ENPP3: variants seen among roughly 807,000 people sequenced by gnomAD.
The protein encoded by ENPP3 is ectonucleotide pyrophosphatase/phosphodiesterase family member 3.
In ENPP3, 104 loss-of-function variants were observed where a neutral mutation model predicts 117.8. That is an observed-to-expected ratio of 0.88 (90% CI 0.75 to 1.04). The LOEUF (loss-of-function observed/expected upper bound fraction) is 1.04. Among genes scored for constraint, ENPP3 ranks in the 50% least tolerant of loss-of-function variants. ENPP3 has a pLI of 0.00. For synonymous variants in ENPP3, 380 were observed against 349.9 expected, an observed-to-expected ratio of 1.09 and a Z score of -0.96; for missense variants, 1,026 against 1,051.9, an observed-to-expected ratio of 0.98 and a Z score of 0.34.
At position 131,683,160 on chromosome 6, in the gene ENPP3, A is replaced by G. The variant is rs916188630; in HGVS notation, c.1118A>G (p.His373Arg). The G allele has an allele frequency of 1.9e-6, 3 of 1,538,966 alleles. No individual in the cohort carries two copies. Among genetic ancestry groups the G allele is most frequent in the South Asian group, 2.3e-5 (2 of 86,972 alleles). Reference protein sequence around the residue: ...NCVNIILLADHGMDQTYCNKM... With the variant: ...NCVNIILLADRGMDQTYCNKM... Reference sequence around the variant, plus strand: ...GTCAATATCATCCTTCTGGCTGACCATGGTATGCTTTTAAAAAACATTCTT... The same window carrying G: ...GTCAATATCATCCTTCTGGCTGACCGTGGTATGCTTTTAAAAAACATTCTT... The change falls in exon 12 of 25, where the codon CAT (histidine) becomes CGT (arginine). Residue 373 changes from histidine to arginine, a missense_variant and splice_region_variant. Transcript: ENST00000357639.
chr6:131,641,050 G>T (rs1778029327), intron 1 of ENPP3, among the ~76,000 whole-genome samples: 1 of 151,730 alleles, frequency 6.6e-6, no homozygotes. Context: ...TTAGAATGAG[G>T]CAGTTAAGGA....
intron 9 of ENPP3, among the ~76,000 whole-genome samples, chr6:131,675,683 A>T (rs1189746325): frequency 6.6e-6 from 1 of 151,842 alleles, no homozygotes; most frequent in Non-Finnish European, 1.5e-5. Flanking sequence ...AAAATACAAA[A>T]ATTAGCTGGG....
chr6:131,687,287 C>A (rs1195890116), intron 14 of ENPP3, among the ~76,000 whole-genome samples: 1 of 152,110 alleles, frequency 6.6e-6, no homozygotes, highest in Non-Finnish European at 1.5e-5. Flanking sequence ...ACATAATAAA[C>A]GGTGCTGGGA....
rs139818091 is a variant in ENPP3 at position 131,670,592 on chromosome 6, A to T, written c.563-656A>T. On this transcript the variant is annotated intron_variant, in intron 6 of 24. Transcript: ENST00000357639. ...TGCCGTCTCCATCTCCTGAGCTCAA[A>T]CAATCCTCCCACCTCAGCCTCCCGA... Among the ~76,000 whole-genome samples, 1,210 of 152,226 alleles carry T rather than the reference A, an allele frequency of 7.9e-3. 11 individuals carry two copies. Among genetic ancestry groups the T allele is most frequent in the African/African-American group, 0.024 (1,010 of 41,536 alleles).
chr6:131,637,733 G>A (rs1465834433), intron 1 of ENPP3, among the ~76,000 whole-genome samples: 1 of 152,140 alleles, frequency 6.6e-6, no homozygotes, highest in East Asian at 1.9e-4. Flanking sequence ...TTTTTTGCAT[G>A]ATTATAACTA....
intron 22 of ENPP3, 73 bp from the exon 23 acceptor site, chr6:131,737,958 T>G: frequency 9.5e-7 from 1 of 1,052,166 alleles, no homozygotes. Flanking sequence ...TTAAATGTAC[T>G]TGTCTATAAT....
rs950420767 is a variant in ENPP3, at chr6:131,737,977, G to A, written c.2168-54G>A. On this transcript the variant is annotated intron_variant, in intron 22 of 24. Coordinates refer to ENST00000357639, the MANE Select transcript of ENPP3 (RefSeq NM_005021.5). Reference sequence around the variant, plus strand: ...ATGTACTTGTCTATAATAGAAAATAGTGTCATATTTCACTGAAGTGGACAT... The same window carrying A: ...ATGTACTTGTCTATAATAGAAAATAATGTCATATTTCACTGAAGTGGACAT... The A allele has an allele frequency of 3.9e-6, 5 of 1,272,746 alleles. No individual in the cohort carries two copies. The African/African-American group carries it at 4.6e-5, about 12-fold the overall frequency. The allele number at this position is 1,272,746 out of a possible 1,614,324, so 78.8% of individuals were successfully genotyped here.
In ENPP3 at chr6:131,675,081, T is replaced by C. The variant is rs769315647; in HGVS notation, c.764T>C (p.Met255Thr). Reference sequence around the variant, plus strand: ...CGCTTATCCTAAATTTTCTTACAGATGTGGCTGACAGCAATGTATCAAGGT... The same window carrying C: ...CGCTTATCCTAAATTTTCTTACAGACGTGGCTGACAGCAATGTATCAAGGT... Reference protein sequence around the residue: ...NNPAWWHGQPMWLTAMYQGLK... With the variant: ...NNPAWWHGQPTWLTAMYQGLK... Residue 255 changes from methionine (M) to threonine (T), a missense_variant and splice_region_variant, in exon 9 of 25, where the codon ATG (methionine) becomes ACG (threonine). Physicochemically the swap from Met to Thr is moderately conservative, Grantham distance 81 (BLOSUM62 -1). Transcript: ENST00000357639. The C allele has an allele frequency of 2.5e-6, 4 of 1,607,104 alleles. No individual in the cohort carries two copies. The Admixed American group carries it at 6.7e-5, about 27-fold the overall frequency.
At chr6:131,726,267 T>C in intron 20 of ENPP3, 67 bp downstream of exon 20, 2 of 1,460,098 alleles carry the variant, frequency 1.4e-6, no homozygotes, top group East Asian at 2.3e-5. Flanking sequence ...ATTCTAAGAG[T>C]TGAATTTTGT....
chr6:131,740,449 G>C, intron 24 of ENPP3, 69 bp downstream of exon 24: 1 of 1,272,138 alleles, frequency 7.9e-7, no homozygotes, highest in Non-Finnish European at 1.1e-6. Flanking sequence ...TCTCATAAAA[G>C]TGGCTCTGAC....
chr6:131,662,994 A>G (rs1225915503), intron 6 of ENPP3, among the ~76,000 whole-genome samples: 1 of 152,156 alleles, frequency 6.6e-6, no homozygotes, highest in African/African-American at 2.4e-5. Context: ...TAGAAATGCA[A>G]CTGATTTTTG....
intron 6 of ENPP3, among the ~76,000 whole-genome samples, chr6:131,661,181 G>A (rs768499266): frequency 1.2e-4 from 19 of 152,134 alleles, no homozygotes; most frequent in Non-Finnish European, 2.4e-4. Context: ...TAGTGCTTCA[G>A]TGAACATGGG....
chr6:131,669,155 T>C (rs1213633625), intron 6 of ENPP3, among the ~76,000 whole-genome samples: 2 of 152,226 alleles, frequency 1.3e-5, no homozygotes, highest in Non-Finnish European at 2.9e-5. Flanking sequence ...CCCACTTAAA[T>C]TATTTTAATT....
At chr6:131,724,969 G>A (rs1334833436) in intron 19 of ENPP3, among the ~76,000 whole-genome samples, 1 of 151,540 alleles carries the variant, frequency 6.6e-6, no homozygotes, top group African/African-American at 2.4e-5. Context: ...AGCACTTTGG[G>A]AGGCTGAGGC....
At chr6:131,637,798 T>C (rs1404566168) in intron 1 of ENPP3, among the ~76,000 whole-genome samples, 1 of 152,110 alleles carries the variant, frequency 6.6e-6, no homozygotes, top group Non-Finnish European at 1.5e-5. Flanking sequence ...AGTGAGAAAT[T>C]AAAATCATTG....
intron 15 of ENPP3, 21 bp downstream of exon 15, chr6:131,693,645 A>G (rs1779340480): frequency 6.2e-7 from 1 of 1,608,976 alleles, no homozygotes; most frequent in Non-Finnish European, 8.5e-7. Flanking sequence ...CTGTTTACTT[A>G]TCTCATAATG....
At chr6:131,696,422 A>G (rs1779406130) in intron 15 of ENPP3, among the ~76,000 whole-genome samples, 1 of 152,222 alleles carries the variant, frequency 6.6e-6, no homozygotes, top group South Asian at 2.1e-4. Flanking sequence ...GTGAATGTCA[A>G]GGAGCATCAG....
intron 2 of ENPP3, among the ~76,000 whole-genome samples, chr6:131,645,328 C>T (rs1233298916): frequency 6.6e-6 from 1 of 152,240 alleles, no homozygotes; most frequent in African/African-American, 2.4e-5. Flanking sequence ...CTTCCTTCAA[C>T]TTACCTCTCC....
At position 131,740,323 on chromosome 6, in the gene ENPP3, G is replaced by T. The variant is rs1351610227; in HGVS notation, c.2400G>T (p.Trp800Cys). ...ACACACCGGAAAACTGCCCTGGGTG[G>T]CTGGATGTCCTACCCTTTATCATCC... ...KSHTPENCPG[W>C]LDVLPFIIPH... Residue 800 changes from tryptophan to cysteine, a missense_variant, in exon 24 of 25, where the codon TGG becomes TGT. Coordinates refer to ENST00000357639, the MANE Select transcript of ENPP3 (RefSeq NM_005021.5). The T allele has an allele frequency of 6.2e-7, 1 of 1,612,958 alleles. No homozygotes were observed. Among genetic ancestry groups the T allele is most frequent in the South Asian group, 1.1e-5 (1 of 90,860 alleles).
Sources: allele counts gnomAD v4.1 joint callset (sites outside exome capture counted in the v4.1 genomes callset), GRCh38; gene constraint gnomAD v4.1.1; transcripts MANE v1.5; gene names NCBI Gene and HGNC (gene_info 2026-07-23, HGNC 2026-07-21).